The following CPED1 variants were observed in gnomAD, a reference collection of about 807,000 sequenced individuals.
The protein encoded by CPED1 is cadherin-like and PC-esterase domain-containing protein 1.
A neutral mutation model predicts 128.2 loss-of-function variants in CPED1; 114 were observed. That is an observed-to-expected ratio of 0.89 (90% CI 0.76 to 1.04). The LOEUF (loss-of-function observed/expected upper bound fraction) is 1.04, where lower values mean the gene tolerates loss of function less well. CPED1 is among the 50% of genes least tolerant of loss of function. CPED1 has a pLI of 0.00. For synonymous variants in CPED1, 462 were observed against 426.7 expected (o/e 1.08, Z -1.02); for missense variants, 1,211 against 1,207.1 (o/e 1.00, Z -0.05).
chr7:121,271,299 T>G lies in CPED1; in HGVS notation c.2737T>G (p.Leu913Val). ...TTCCAATCAGAGTGAAGTACAGAACTTATGGAAAGAAAATTTGATTATTCT... is the reference window on the plus strand; with the variant it reads ...TTCCAATCAGAGTGAAGTACAGAACGTATGGAAAGAAAATTTGATTATTCT... ...HFLTQSEVQNLWKENLIILDT... is the reference protein window; with the variant it reads ...HFLTQSEVQNVWKENLIILDT... Residue 913 changes from leucine to valine, a missense_variant, in exon 22 of 23, where the codon TTA becomes GTA. By Grantham distance (32) the Leu-to-Val change is conservative. Coordinates refer to ENST00000310396, the MANE Select transcript of CPED1 (RefSeq NM_024913.5). 6.2e-7 allele frequency: 1 copy of G among 1,611,504 alleles called. No homozygotes were observed. The highest frequency in any genetic ancestry group is 8.5e-7 in the Non-Finnish European group (1 of 1,178,426).
chr7:121,261,747 C>T, intron 18 of CPED1: 1 of 1,572,494 alleles, frequency 6.4e-7, no homozygotes, highest in South Asian at 1.2e-5. Context: ...TGACTTGAAT[C>T]ACCTGGACTA....
At chr7:121,199,697 A>AAAAAAAAAAAAAGAAAG (rs1797350348) in intron 16 of CPED1, among the ~76,000 whole-genome samples, 1 of 41,760 alleles carries the variant, frequency 2.4e-5, no homozygotes, top group Non-Finnish European at 4.1e-5. Context: ...AAAAAAAAAA[A>AAAAAAAAAAAAAGAAAG]AAAGAAAGAA....
chr7:121,006,523 G>T (rs932115367), intron 2 of CPED1, among the ~76,000 whole-genome samples: 3 of 151,974 alleles, frequency 2.0e-5, no homozygotes, highest in African/African-American at 7.2e-5. Flanking sequence ...GAAGAGGAAA[G>T]CAGAGGGAAG....
chr7:120,997,712 G>A (rs772304622), intron 2 of CPED1, among the ~76,000 whole-genome samples: 2 of 152,114 alleles, frequency 1.3e-5, no homozygotes, highest in Non-Finnish European at 2.9e-5. Context: ...CCTGAGGTCA[G>A]GAGTTTGAGA....
rs566705892 is a variant in CPED1, at chr7:121,019,072, G to A, written c.433+3224G>A. Among the ~76,000 whole-genome samples, 15 of 152,026 alleles carry A rather than the reference G, an allele frequency of 9.9e-5. No individual in the cohort carries two copies. In the East Asian group the frequency reaches 2.3e-3, roughly 23 times the overall value. On this transcript the variant is annotated intron_variant, in intron 3 of 22. Transcript: ENST00000310396. ...TACTGGTAGAGTAACTTTGAGTTTTGTATTTGATTTAGTTTTCCTATGACT... is the reference window on the plus strand; with the variant it reads ...TACTGGTAGAGTAACTTTGAGTTTTATATTTGATTTAGTTTTCCTATGACT...
chr7:121,068,103 A>G (rs1443397405), intron 5 of CPED1, among the ~76,000 whole-genome samples: 3 of 152,094 alleles, frequency 2.0e-5, no homozygotes, highest in Admixed American at 6.5e-5. Flanking sequence ...TGCTGTACAG[A>G]AGCTCTTTAG....
At chr7:121,196,071 G>A (rs369831346) in intron 16 of CPED1, among the ~76,000 whole-genome samples, 8 of 152,132 alleles carry the variant, frequency 5.3e-5, no homozygotes, top group African/African-American at 1.4e-4. Context: ...TGTAAGTAGC[G>A]CCTCAGGGTG....
chr7:121,176,226 A>G (rs984848014), intron 16 of CPED1, among the ~76,000 whole-genome samples: 75 of 148,958 alleles, frequency 5.0e-4, no homozygotes, highest in Non-Finnish European at 8.9e-5. Context: ...ACACCTCTGG[A>G]AATAACTTGA....
chr7:121,073,462 CTT>C (rs1256900274), intron 5 of CPED1, among the ~76,000 whole-genome samples: 2 of 152,120 alleles, frequency 1.3e-5, no homozygotes, highest in African/African-American at 4.8e-5. Context: ...TTCTGTCTGA[CTT>C]TTTTGCTTTT....
chr7:121,276,250 A>G (rs1229782015), intron 22 of CPED1, among the ~76,000 whole-genome samples: 1 of 152,076 alleles, frequency 6.6e-6, no homozygotes, highest in Non-Finnish European at 1.5e-5. Context: ...AATTTACTCT[A>G]TCACACTACC....
chr7:121,042,361 G>C (rs1793080780), intron 3 of CPED1, among the ~76,000 whole-genome samples: 1 of 152,092 alleles, frequency 6.6e-6, no homozygotes, highest in Admixed American at 6.6e-5. Flanking sequence ...CTTCCTCTGA[G>C]CTTCCAAAGA....
intron 7 of CPED1, among the ~76,000 whole-genome samples, chr7:121,116,587 C>T (rs1372843201): frequency 6.6e-6 from 1 of 152,084 alleles, no homozygotes; most frequent in South Asian, 2.1e-4. Flanking sequence ...CAGTTTTGAA[C>T]ATGTTTTAGA....
At chr7:121,094,257 A>G (rs1240061115) in intron 5 of CPED1, among the ~76,000 whole-genome samples, 1 of 152,210 alleles carries the variant, frequency 6.6e-6, no homozygotes, top group Admixed American at 6.5e-5. Context: ...AAAATGCAAG[A>G]CAATATTCAA....
chr7:121,272,389 T>A (rs896531725), intron 22 of CPED1, among the ~76,000 whole-genome samples: 2 of 152,072 alleles, frequency 1.3e-5, no homozygotes, highest in Non-Finnish European at 2.9e-5. Flanking sequence ...TACTTCTTTT[T>A]TTTTTGAGTG....
Position 121,236,794 on chromosome 7 carries a change from G to C in CPED1, c.2136G>C (p.Gln712His). 6.2e-7 allele frequency: 1 copy of C among 1,607,352 alleles called. No homozygotes were observed. Among genetic ancestry groups the C allele is most frequent in the Non-Finnish European group, 8.5e-7 (1 of 1,176,848 alleles). The change falls in exon 17 of 23, where the codon CAG becomes CAC. Residue 712 changes from glutamine to histidine, a missense_variant. Physicochemically the swap from Gln to His is conservative, Grantham distance 24 (BLOSUM62 0). Coordinates refer to ENST00000310396, the MANE Select transcript of CPED1 (RefSeq NM_024913.5). ...CTGACTACATTGAAGCCATTTTACA[G>C]TCTGAACTAAAAAGATGTCCATCTG... ...ISSDYIEAIL[Q>H]SELKRCPSGD...
At chr7:121,097,938 G>A (rs1794741172) in intron 6 of CPED1, 107 bp downstream of exon 6, 1 of 1,099,642 alleles carries the variant, frequency 9.1e-7, no homozygotes. Context: ...TGAATTATTA[G>A]TTTCTCTTAC....
At chr7:121,193,992 C>A (rs1167497275) in intron 16 of CPED1, among the ~76,000 whole-genome samples, 6 of 128,848 alleles carry the variant, frequency 4.7e-5, no homozygotes, top group Admixed American at 4.1e-4. Flanking sequence ...CATGGATGAG[C>A]AAGCTCTCTC....
At chr7:121,063,486 A>G (rs1004940072) in intron 4 of CPED1, among the ~76,000 whole-genome samples, 1 of 148,056 alleles carries the variant, frequency 6.8e-6, no homozygotes, top group African/African-American at 2.5e-5. Context: ...CAGCTGGGTT[A>G]TTTCTATCAA....
At chr7:121,293,990 A>T (rs563556461) in intron 22 of CPED1, among the ~76,000 whole-genome samples, 2 of 151,960 alleles carry the variant, frequency 1.3e-5, no homozygotes, top group African/African-American at 4.8e-5. Context: ...TTCATTTATA[A>T]AGACACCCAA....
Sources: gnomAD v4.1 joint callset for allele counts (sites outside exome capture counted in the v4.1 genomes callset) on GRCh38, gnomAD v4.1.1 for gene constraint, MANE v1.5 for transcripts, NCBI Gene and HGNC (gene_info 2026-07-23, HGNC 2026-07-21) for gene names.